The following HLCS variants were observed in gnomAD, a reference collection of about 807,000 sequenced individuals.
The protein encoded by HLCS is biotin--protein ligase.
In HLCS, 53 loss-of-function variants were observed where a neutral mutation model predicts 75.0. That is an observed-to-expected ratio of 0.71 (90% CI 0.57 to 0.89). The LOEUF (loss-of-function observed/expected upper bound fraction) is 0.89. HLCS is among the 40% of genes least tolerant of loss of function. The pLI is 0.00. For missense variants in HLCS, 966 were observed against 1,074.0 expected (o/e 0.90, Z 1.41); for synonymous variants, 431 against 428.6 (o/e 1.01, Z -0.07).
chr21:36,799,372 T>C (rs1326738715), intron 6 of HLCS, among the ~76,000 whole-genome samples: 1 of 152,252 alleles, frequency 6.6e-6, no homozygotes, highest in African/African-American at 2.4e-5. Context: ...CATTCATCTG[T>C]ATATCTCTAT....
intron 6 of HLCS, among the ~76,000 whole-genome samples, chr21:36,783,319 T>A (rs1269162922): frequency 6.6e-6 from 1 of 152,202 alleles, no homozygotes. Flanking sequence ...AGAATGCAGC[T>A]GGTCCAAAGA....
In HLCS at chr21:36,756,535, C is replaced by G. The variant is rs373944714; in HGVS notation, c.2450+7G>C. ...GTTGAAAAGAATGAAGATGAGCCAG[C>G]ACTGACCTGTGGACCCAGTATCGGT... On this transcript the variant is annotated splice_region_variant and intron_variant, in intron 10 of 10. Transcript: ENST00000674895. 107 of 1,594,684 alleles carry G rather than the reference C, an allele frequency of 6.7e-5. No individual in the cohort carries two copies. The highest frequency in any genetic ancestry group is 8.8e-5 in the Non-Finnish European group (103 of 1,165,922).
intron 6 of HLCS, among the ~76,000 whole-genome samples, chr21:36,818,719 C>T (rs553558618): frequency 2.9e-4 from 44 of 152,244 alleles, no homozygotes; most frequent in African/African-American, 1.0e-3. Context: ...GGAGGAGCGG[C>T]GGTATTTGAA....
At chr21:36,983,435 C>G (rs1035943194) in intron 1 of HLCS, among the ~76,000 whole-genome samples, 1 of 151,506 alleles carries the variant, frequency 6.6e-6, no homozygotes, top group African/African-American at 2.4e-5. Flanking sequence ...GGTCTCGAAC[C>G]CCTGACCTCA....
chr21:36,920,895 A>G (rs1238413820), intron 5 of HLCS, among the ~76,000 whole-genome samples: 1 of 152,226 alleles, frequency 6.6e-6, no homozygotes, highest in Non-Finnish European at 1.5e-5. Context: ...AATCCTAGGC[A>G]GAGTCTGGCT....
chr21:36,824,442 GA>G (rs2061945957), intron 6 of HLCS, among the ~76,000 whole-genome samples: 2 of 152,274 alleles, frequency 1.3e-5, no homozygotes, highest in African/African-American at 4.8e-5. Flanking sequence ...GCCTGTCAGA[GA>G]AGGGAAAAGG....
intron 6 of HLCS, among the ~76,000 whole-genome samples, chr21:36,822,632 T>A (rs1311024034): frequency 6.6e-6 from 1 of 152,234 alleles, no homozygotes; most frequent in African/African-American, 2.4e-5. Context: ...CATATACATA[T>A]GCCCTTTCAA....
chr21:36,814,784 A>G (rs1402344985), intron 6 of HLCS, among the ~76,000 whole-genome samples: 1 of 152,218 alleles, frequency 6.6e-6, no homozygotes, highest in East Asian at 1.9e-4. Context: ...GGAGTCTGGA[A>G]TTCTCCATTT....
chr21:36,943,908 T>C (rs994840131), intron 2 of HLCS: 3 of 151,844 alleles, frequency 2.0e-5, no homozygotes, highest in Admixed American at 2.0e-4. Context: ...ATGAGGCCCA[T>C]CCTAGAGTTT....
At chr21:36,950,996 T>C (rs1464088011) in intron 2 of HLCS, among the ~76,000 whole-genome samples, 1 of 152,200 alleles carries the variant, frequency 6.6e-6, no homozygotes, top group African/African-American at 2.4e-5. Context: ...CAGGACTCCA[T>C]GTATGAACAT....
chr21:36,847,828 A>G (rs1287825543), intron 6 of HLCS, among the ~76,000 whole-genome samples: 1 of 152,200 alleles, frequency 6.6e-6, no homozygotes, highest in African/African-American at 2.4e-5. Flanking sequence ...CCCTAATTCT[A>G]TTCCCCAAAG....
At chr21:36,953,596 G>A (rs1045251171) in intron 2 of HLCS, among the ~76,000 whole-genome samples, 12 of 151,956 alleles carry the variant, frequency 7.9e-5, no homozygotes, top group African/African-American at 2.2e-4. Context: ...TCCTTAAGAC[G>A]CTGTACATCT....
At chr21:36,976,352 GCTGA>G (rs1287936693) in intron 1 of HLCS, among the ~76,000 whole-genome samples, 1 of 152,048 alleles carries the variant, frequency 6.6e-6, no homozygotes, top group African/African-American at 2.4e-5. Flanking sequence ...CTGTACAATA[GCTGA>G]CTATCAGTAA....
chr21:36,882,712 C>T (rs1024756657), intron 6 of HLCS, among the ~76,000 whole-genome samples: 19 of 151,182 alleles, frequency 1.3e-4, no homozygotes, highest in East Asian at 3.9e-4. Context: ...CCACCCACCT[C>T]GGCCTCCCAA....
Position 36,936,439 on chromosome 21 carries a change from C to T in HLCS, c.1437+10G>A, listed in dbSNP as rs1443305198. 2 of 1,608,162 alleles carry T rather than the reference C, an allele frequency of 1.2e-6. No homozygotes were observed. The highest frequency in any genetic ancestry group is 1.7e-5 in the Admixed American group (1 of 60,016). ...CCCAAAGATCACCAAATCCATGCTG[C>T]CCTGAGTACCTGGCAAAGAACAGCT... On this transcript the variant is annotated intron_variant, in intron 4 of 10. Coordinates refer to ENST00000674895, the MANE Select transcript of HLCS (RefSeq NM_001352514.2).
intron 6 of HLCS, among the ~76,000 whole-genome samples, chr21:36,781,608 T>C (rs1169881555): frequency 1.3e-5 from 2 of 152,222 alleles, no homozygotes; most frequent in Admixed American, 1.3e-4. Context: ...AATTCTCTTA[T>C]TGTTTGAGTT....
chr21:36,967,499 C>G (rs1285439679), upstream of HLCS, among the ~76,000 whole-genome samples: 1 of 152,168 alleles, frequency 6.6e-6, no homozygotes, highest in Non-Finnish European at 1.5e-5. Flanking sequence ...ATTTGGTGTT[C>G]TTGTCTCCAA....
In HLCS at chr21:36,938,989, G is replaced by GTT; in HGVS notation, c.335_336insAA (p.Lys113ThrfsTer10). ...ATGGCAAACAACAGTCTGACCACTT[G>GTT]ACAATCTGAGAAAAAGCAGGAGAGG... On this transcript the variant is annotated frameshift_variant, in exon 3 of 11. Coordinates refer to ENST00000674895, the MANE Select transcript of HLCS (RefSeq NM_001352514.2). LOFTEE classifies it high-confidence loss of function. The GTT allele has an allele frequency of 6.2e-7, 1 of 1,605,932 alleles. No homozygotes were observed. The highest frequency in any genetic ancestry group is 8.5e-7 in the Non-Finnish European group (1 of 1,179,080).
intron 6 of HLCS, among the ~76,000 whole-genome samples, chr21:36,820,123 G>A (rs2061783739): frequency 6.6e-6 from 1 of 152,222 alleles, no homozygotes; most frequent in Non-Finnish European, 1.5e-5. Context: ...TTGGCCATCG[G>A]GAATGAGGCA....
Sources: gnomAD v4.1 joint callset for allele counts (sites outside exome capture counted in the v4.1 genomes callset) on GRCh38, gnomAD v4.1.1 for gene constraint, MANE v1.5 for transcripts, NCBI Gene and HGNC (gene_info 2026-07-23, HGNC 2026-07-21) for gene names.